Variants in ABI3BP observed in about 807,000 individuals in gnomAD.
The protein encoded by ABI3BP is ABI family member 3 binding protein.
Under a neutral mutation model 268.6 loss-of-function variants are expected in ABI3BP, and 216 were observed. That is an observed-to-expected ratio of 0.80 (90% confidence interval 0.72 to 0.90). ABI3BP has a LOEUF of 0.90. Among genes scored for constraint, ABI3BP ranks in the 40% least tolerant of loss-of-function variants. The pLI is 0.00. For synonymous variants in ABI3BP, 730 were observed against 730.0 expected (o/e 1.00, Z 0.00); for missense variants, 2,090 against 2,182.4 (o/e 0.96, Z 0.84).
chr3:100,753,002 C>G, intron 65 of ABI3BP, 54 bp from the exon 66 acceptor site: 3 of 1,496,500 alleles, frequency 2.0e-6, no homozygotes, highest in Non-Finnish European at 2.7e-6. Flanking sequence ...TCAGATACTT[C>G]AAGAAATCAG....
intron 1 of ABI3BP, among the ~76,000 whole-genome samples, chr3:100,946,422 G>C (rs2072347532): frequency 6.6e-6 from 1 of 150,616 alleles, no homozygotes; most frequent in South Asian, 2.1e-4. Flanking sequence ...TAATTATTGT[G>C]ATTCCAAATT....
chr3:100,867,902 C>T (rs2099070575), intron 9 of ABI3BP, among the ~76,000 whole-genome samples: 1 of 152,012 alleles, frequency 6.6e-6, no homozygotes, highest in African/African-American at 2.4e-5. Context: ...ATTTGAGAAA[C>T]TTCATTTTAA....
chr3:100,841,960 G>T (rs1473963525), intron 21 of ABI3BP, 38 bp downstream of exon 21: 9 of 1,408,050 alleles, frequency 6.4e-6, no homozygotes, highest in African/African-American at 1.4e-5. Context: ...GAGTGTTAAA[G>T]ATACTTTGTT....
chr3:100,848,049 C>T lies in ABI3BP; in HGVS notation c.1577-376G>A, dbSNP rs141809937. Among the ~76,000 whole-genome samples, 51 of 152,284 alleles carry T rather than the reference C, an allele frequency of 3.3e-4. 1 individual carries two copies. The East Asian group carries it at 9.8e-3, about 29-fold the overall frequency. On this transcript the variant is annotated intron_variant, in intron 18 of 67. Transcript: ENST00000471714. The stretch of plus-strand genomic sequence containing the variant: ...TATTTTGGGGTCTGTATCTTCAACT[C>T]TTTCTTGGAGCATTTACAAAAATAT...
chr3:100,897,511 C>T (rs145062334), intron 4 of ABI3BP, among the ~76,000 whole-genome samples: 2,386 of 152,118 alleles, frequency 0.016, 173 homozygotes, highest in Admixed American at 0.13. Flanking sequence ...TATTGATATC[C>T]GCAATGTCAT....
At chr3:100,826,597 A>G (rs955970019) in intron 34 of ABI3BP, among the ~76,000 whole-genome samples, 4 of 152,228 alleles carry the variant, frequency 2.6e-5, no homozygotes, top group Non-Finnish European at 5.9e-5. Context: ...AACATGTACT[A>G]TATGTTTATC....
At chr3:100,970,048 C>T (rs2082902488) in intron 1 of ABI3BP, among the ~76,000 whole-genome samples, 1 of 152,032 alleles carries the variant, frequency 6.6e-6, no homozygotes, top group African/African-American at 2.4e-5. Flanking sequence ...TCTAGCCTAA[C>T]CTTGGTCATT....
intron 1 of ABI3BP, among the ~76,000 whole-genome samples, chr3:100,980,600 A>G (rs565583486): frequency 6.6e-6 from 1 of 152,374 alleles, no homozygotes; most frequent in East Asian, 1.9e-4. Context: ...AGTGGGAAAG[A>G]AGAGGGTTGT....
At chr3:100,847,779 G>T in intron 18 of ABI3BP, 106 bp from the exon 19 acceptor site, 1 of 910,340 alleles carries the variant, frequency 1.1e-6, no homozygotes, top group Non-Finnish European at 1.8e-6. Context: ...ATATTTAGTA[G>T]TCAAAGTATA....
intron 26 of ABI3BP, 133 bp downstream of exon 26, chr3:100,838,077 C>T: frequency 2.9e-6 from 3 of 1,028,160 alleles, no homozygotes; most frequent in Non-Finnish European, 4.2e-6. Flanking sequence ...AGTGTGGCTA[C>T]TTGGAGAAGA....
intron 1 of ABI3BP, among the ~76,000 whole-genome samples, chr3:100,956,914 A>G: frequency 6.6e-6 from 1 of 152,204 alleles, no homozygotes. Context: ...AGCGAGGAGA[A>G]AACAGGAAGA....
At chr3:100,925,227 T>G (rs1489986140) in intron 2 of ABI3BP, among the ~76,000 whole-genome samples, 1 of 152,160 alleles carries the variant, frequency 6.6e-6, no homozygotes, top group Non-Finnish European at 1.5e-5. Flanking sequence ...AGATTCATCT[T>G]CAACATTCCC....
chr3:100,797,165 T>A (rs982025352), intron 51 of ABI3BP, among the ~76,000 whole-genome samples: 2 of 152,084 alleles, frequency 1.3e-5, no homozygotes, highest in African/African-American at 4.8e-5. Context: ...GACAAAAATG[T>A]CAGCTGAACA....
chr3:100,749,660 C>A lies in ABI3BP; in HGVS notation c.*835G>T. The A allele has an allele frequency of 2.5e-6, 1 of 398,478 alleles. No individual in the cohort carries two copies. The highest frequency in any genetic ancestry group is 4.4e-6 in the Non-Finnish European group (1 of 225,798). The allele number at this position is 398,478 out of a possible 1,614,324, so 24.7% of individuals were successfully genotyped here. A position where few individuals can be genotyped will look rare whatever the true frequency, so the allele number is the denominator to read the frequency against. ...TAAAATGGTAGGCAATCTCATCGTGCATTATCTTTTTGTGCTCAGACTTGA... is the reference window on the plus strand; with the variant it reads ...TAAAATGGTAGGCAATCTCATCGTGAATTATCTTTTTGTGCTCAGACTTGA... On this transcript the variant is annotated 3_prime_UTR_variant, in exon 68 of 68. Transcript: ENST00000471714.
chr3:100,869,356 T>TTTTTTTTTTTTTTTTTTTTTG (rs2099088271), intron 9 of ABI3BP, among the ~76,000 whole-genome samples: 1 of 91,384 alleles, frequency 1.1e-5, no homozygotes, highest in Admixed American at 1.3e-4. Flanking sequence ...TTTTTTTTTT[T>TTTTTTTTTTTTTTTTTTTTTG]GAGTCAGGGT....
At chr3:100,898,315 C>T (rs2048631181) in intron 4 of ABI3BP, among the ~76,000 whole-genome samples, 1 of 152,102 alleles carries the variant, frequency 6.6e-6, no homozygotes, top group Non-Finnish European at 1.5e-5. Context: ...TGAGGGGGAC[C>T]TGAGAATTTA....
chr3:100,937,751 C>A (rs376714567), intron 1 of ABI3BP, among the ~76,000 whole-genome samples: 1 of 152,026 alleles, frequency 6.6e-6, no homozygotes, highest in South Asian at 2.1e-4. Flanking sequence ...AAGTTTCCAA[C>A]GTAGTCTATG....
intron 1 of ABI3BP, among the ~76,000 whole-genome samples, chr3:100,936,586 G>T (rs142815653): frequency 6.6e-6 from 1 of 152,038 alleles, no homozygotes; most frequent in Non-Finnish European, 1.5e-5. Context: ...GTAGAATTCG[G>T]CTGTGAATCT....
At chr3:100,786,837 G>C (rs941022499) in intron 57 of ABI3BP, among the ~76,000 whole-genome samples, 1 of 152,022 alleles carries the variant, frequency 6.6e-6, no homozygotes, top group African/African-American at 2.4e-5. Context: ...TCATTATTTG[G>C]TTTGAAGATA....
Sources: allele counts gnomAD v4.1 joint callset (sites outside exome capture counted in the v4.1 genomes callset), GRCh38; gene constraint gnomAD v4.1.1; transcripts MANE v1.5; gene names NCBI Gene and HGNC (gene_info 2026-07-23, HGNC 2026-07-21).